Variants in MBD5 observed in about 807,000 individuals in gnomAD.
The protein encoded by MBD5 is methyl-CpG-binding domain protein 5.
In MBD5, 13 loss-of-function variants were observed where a neutral mutation model predicts 117.3. That is an observed-to-expected ratio of 0.11 (90% CI 0.07 to 0.18). The LOEUF (loss-of-function observed/expected upper bound fraction) is 0.18. Ranked by LOEUF, MBD5 falls within the 10% of genes least tolerant of loss-of-function variation. The pLI is 1.00. For synonymous variants in MBD5, 727 were observed against 766.4 expected, an observed-to-expected ratio of 0.95 and a Z score of 0.85; for missense variants, 1,879 against 2,093.8, an observed-to-expected ratio of 0.90 and a Z score of 2.00.
intron 2 of MBD5, among the ~76,000 whole-genome samples, chr2:148,182,059 G>A (rs1204904608): frequency 6.7e-6 from 1 of 149,168 alleles, no homozygotes; most frequent in African/African-American, 2.5e-5. Context: ...ATCTTTTTTT[G>A]TTAGTTCCTC....
intron 4 of MBD5, among the ~76,000 whole-genome samples, chr2:148,361,376 A>G (rs972334566): frequency 2.6e-5 from 4 of 152,090 alleles, no homozygotes; most frequent in Non-Finnish European, 5.9e-5. Flanking sequence ...CAAAAAAAAA[A>G]ACGTGTTGGA....
chr2:148,179,465 G>GT (rs1275651174), intron 2 of MBD5, among the ~76,000 whole-genome samples: 1 of 151,974 alleles, frequency 6.6e-6, no homozygotes, highest in African/African-American at 2.4e-5. Context: ...CTGTTTTCAT[G>GT]TATTTATTAA....
intron 3 of MBD5, among the ~76,000 whole-genome samples, chr2:148,257,388 C>A (rs543346452): frequency 6.6e-6 from 1 of 152,340 alleles, no homozygotes; most frequent in Non-Finnish European, 1.5e-5. Flanking sequence ...TAAATGCCCA[C>A]CAATATCCCA....
intron 4 of MBD5, among the ~76,000 whole-genome samples, chr2:148,389,822 T>C (rs1209958955): frequency 6.6e-6 from 1 of 152,208 alleles, no homozygotes; most frequent in Non-Finnish European, 1.5e-5. Context: ...CCTTATAGAT[T>C]CTGGATATTA....
At chr2:148,201,452 G>A (rs954652394) in intron 2 of MBD5, among the ~76,000 whole-genome samples, 3 of 152,156 alleles carry the variant, frequency 2.0e-5, no homozygotes, top group African/African-American at 4.8e-5. Context: ...TCTGCAGCCC[G>A]ACAGACAGAG....
rs548304997 is a variant in MBD5 at position 148,319,623 on chromosome 2, G to T, written c.-679-22591G>T. Among the ~76,000 whole-genome samples, 8 of 152,206 alleles carry T rather than the reference G, an allele frequency of 5.3e-5. No homozygotes were observed. In the South Asian group the frequency reaches 1.0e-3, roughly 20 times the overall value. The stretch of plus-strand genomic sequence containing the variant: ...AATTTTGTATCCTGAAACTTTACTG[G>T]ATTCATTGATCAAATCTAAGAGGTT... On this transcript the variant is annotated intron_variant, in intron 3 of 13. Coordinates refer to ENST00000642680, the MANE Select transcript of MBD5 (RefSeq NM_001378120.1).
intron 1 of MBD5, chr2:148,026,736 A>C (rs1326132559): frequency 6.6e-6 from 1 of 152,184 alleles, no homozygotes; most frequent in Admixed American, 6.6e-5. Context: ...CAGCCTGTGC[A>C]ATGTAGTGAG....
chr2:148,222,418 G>A (rs1247624643), intron 2 of MBD5, among the ~76,000 whole-genome samples: 1 of 151,626 alleles, frequency 6.6e-6, no homozygotes, highest in Non-Finnish European at 1.5e-5. Context: ...GGTTTCTTTC[G>A]GTGTCCTCTT....
At chr2:148,386,526 G>C (rs200969066) in intron 4 of MBD5, among the ~76,000 whole-genome samples, 1,787 of 151,598 alleles carry the variant, frequency 0.012, 22 homozygotes, top group East Asian at 0.041. Flanking sequence ...AGACCATCCC[G>C]GCTAAAACGG....
At chr2:148,283,903 A>G (rs1701308086) in intron 3 of MBD5, among the ~76,000 whole-genome samples, 1 of 152,206 alleles carries the variant, frequency 6.6e-6, no homozygotes, top group South Asian at 2.1e-4. Flanking sequence ...AATCAAAGCA[A>G]TATTAGAAGG....
At chr2:148,085,354 CT>C (rs1290020449) in intron 1 of MBD5, among the ~76,000 whole-genome samples, 1 of 152,206 alleles carries the variant, frequency 6.6e-6, no homozygotes, top group East Asian at 1.9e-4. Context: ...AAATTTTGTT[CT>C]TTTCCCGTTA....
chr2:148,426,473 A>T (rs1705790719), intron 4 of MBD5, among the ~76,000 whole-genome samples: 1 of 152,166 alleles, frequency 6.6e-6, no homozygotes, highest in South Asian at 2.1e-4. Flanking sequence ...AATGGAGCAG[A>T]ACAGAGCCCT....
chr2:148,366,807 A>G (rs1703716412), intron 4 of MBD5, among the ~76,000 whole-genome samples: 1 of 152,238 alleles, frequency 6.6e-6, no homozygotes, highest in Non-Finnish European at 1.5e-5. Context: ...ACTACAGACC[A>G]CTGCTGAAGA....
At chr2:148,495,829 T>C (rs570202387) in intron 11 of MBD5, among the ~76,000 whole-genome samples, 2 of 152,154 alleles carry the variant, frequency 1.3e-5, no homozygotes, top group Non-Finnish European at 2.9e-5. Context: ...ACCAAATCTA[T>C]TGGGGGGCAA....
At chr2:148,140,687 T>C (rs1697292098) in intron 1 of MBD5, among the ~76,000 whole-genome samples, 1 of 152,186 alleles carries the variant, frequency 6.6e-6, no homozygotes, top group African/African-American at 2.4e-5. Flanking sequence ...GTAGGATATA[T>C]AAAACATTGC....
intron 4 of MBD5, among the ~76,000 whole-genome samples, chr2:148,389,227 T>C (rs1489054042): frequency 2.6e-5 from 2 of 77,744 alleles, no homozygotes; most frequent in Non-Finnish European, 5.1e-5. Context: ...GTGTGTGTAA[T>C]GTGATATAAA....
chr2:148,381,108 G>A (rs2105435928), intron 4 of MBD5, among the ~76,000 whole-genome samples: 1 of 152,302 alleles, frequency 6.6e-6, no homozygotes, highest in Admixed American at 6.5e-5. Context: ...ACGGAACAAA[G>A]CTGGACAGAG....
At chr2:148,203,547 C>T (rs1448620090) in intron 2 of MBD5, among the ~76,000 whole-genome samples, 1 of 152,122 alleles carries the variant, frequency 6.6e-6, no homozygotes, top group Non-Finnish European at 1.5e-5. Context: ...TTTTACCTAG[C>T]TACCTATTTT....
intron 1 of MBD5, among the ~76,000 whole-genome samples, chr2:148,113,134 A>C (rs7569629): frequency 0.44 from 66,616 of 152,044 alleles, 14,771 homozygotes; most frequent in South Asian, 0.51. Flanking sequence ...CTATTCACTG[A>C]CAAGCTATGG....
Sources: gnomAD v4.1 joint callset for allele counts (sites outside exome capture counted in the v4.1 genomes callset) on GRCh38, gnomAD v4.1.1 for gene constraint, MANE v1.5 for transcripts, NCBI Gene and HGNC (gene_info 2026-07-23, HGNC 2026-07-21) for gene names.